DENND2A: variants seen among roughly 807,000 people sequenced by gnomAD.
DENND2A encodes the protein DENN domain-containing protein 2A.
DENND2A carries 53 observed loss-of-function variants against 105.3 expected under a neutral mutation model. That is an observed-to-expected ratio of 0.50 (90% CI 0.40 to 0.63). The LOEUF is 0.63. Ranked by LOEUF, DENND2A falls within the 30% of genes least tolerant of loss-of-function variation. The probability of loss-of-function intolerance (pLI) is 0.00; values close to 1 mark genes in which losing one functional copy is unlikely to be tolerated. For synonymous variants in DENND2A, 522 were observed against 508.4 expected, an observed-to-expected ratio of 1.03 and a Z score of -0.36; for missense variants, 1,138 against 1,279.6, an observed-to-expected ratio of 0.89 and a Z score of 1.69.
rs1322289751 is a variant in DENND2A, at chr7:140,523,333, T to C, written c.2639A>G (p.Asp880Gly). The change falls in exon 17 of 20, where the codon GAC (aspartate) becomes GGC (glycine). Residue 880 changes from aspartate to glycine, a missense_variant. Asp to Gly is a moderately conservative substitution (Grantham distance 94, BLOSUM62 -1). Transcript: ENST00000496613. This position sits in a 1 kb window ranked among gnomAD's most constrained non-coding sequence, Gnocchi z 4.5. ...EQRNELACEQ[D>G]EGPLDGRHGP... ...GTGCCTGCCGTCTAGGGGCCCTTCG[T>C]CCTGCTCACAAGCCAGCTCGTTCCT... 1 of 1,614,156 alleles carries C rather than the reference T, an allele frequency of 6.2e-7. No homozygotes were observed. Among genetic ancestry groups the C allele is most frequent in the East Asian group, 2.2e-5 (1 of 44,866 alleles).
chr7:140,567,117 A>T lies in DENND2A; in HGVS notation c.1748T>A (p.Val583Glu). The T allele has an allele frequency of 6.2e-7, 1 of 1,604,526 alleles. No individual in the cohort carries two copies. The highest frequency in any genetic ancestry group is 1.1e-5 in the South Asian group (1 of 89,082). ...AGGGAACTGTTGGGTGAGTTCTGGC[A>T]CGTAGGCAGCCCCGGCCTGCTTCTT... ...LHKKQAGAAY[V>E]PELTQQFPLK... is the part of the protein sequence containing the mutation. The change falls in exon 9 of 20, where the codon GTG becomes GAG. Residue 583 changes from valine to glutamate, a missense_variant. By Grantham distance (121) the Val-to-Glu change is moderately radical. Coordinates refer to ENST00000496613, the MANE Select transcript of DENND2A (RefSeq NM_015689.5).
At chr7:140,571,773 A>T (rs1182352303) in intron 6 of DENND2A, among the ~76,000 whole-genome samples, 1 of 152,220 alleles carries the variant, frequency 6.6e-6, no homozygotes, top group Non-Finnish European at 1.5e-5. Flanking sequence ...GCAAAGTGAA[A>T]TGTCATTCAC....
rs1210215572 is a variant in DENND2A, at chr7:140,569,750, CAGG to C, written c.1447-15_1447-13del. 1.9e-6 allele frequency: 3 copies of C among 1,598,258 alleles called. No individual in the cohort carries two copies. The highest frequency in any genetic ancestry group is 2.2e-5 in the East Asian group (1 of 44,788). Reference sequence around the variant, plus strand: ...ATTCGCAACACCAGCTGCCAGACACCAGGAGAAGAACAGCCAGTGTTAGCAGCC... The same window carrying C: ...ATTCGCAACACCAGCTGCCAGACACCAGAAGAACAGCCAGTGTTAGCAGCC... On this transcript the variant is annotated splice_polypyrimidine_tract_variant and intron_variant, in intron 6 of 19. Transcript: ENST00000496613.
chr7:140,532,656 G>C (rs147075025), intron 14 of DENND2A, among the ~76,000 whole-genome samples: 1 of 152,262 alleles, frequency 6.6e-6, no homozygotes, highest in African/African-American at 2.4e-5. Flanking sequence ...GGATGGGGCA[G>C]AGTAGGGAGA....
chr7:140,585,783 G>T, intron 4 of DENND2A, 73 bp from the exon 5 acceptor site: 1 of 1,601,360 alleles, frequency 6.2e-7, no homozygotes, highest in Non-Finnish European at 8.5e-7. Flanking sequence ...ACTGAGGTCA[G>T]TATCTTGGCC....
Position 140,527,410 on chromosome 7 carries a change from C to T in DENND2A, c.2413G>A (p.Ala805Thr), listed in dbSNP as rs200369917. The T allele has an allele frequency of 4.4e-4, 711 of 1,601,676 alleles. No individual in the cohort carries two copies. Among genetic ancestry groups the T allele is most frequent in the Non-Finnish European group, 5.6e-4 (657 of 1,175,768 alleles). The change falls in exon 15 of 20, where the codon GCC becomes ACC. Residue 805 changes from alanine to threonine, a missense_variant. Ala to Thr is a moderately conservative substitution (Grantham distance 58). Around this residue, in one of 2 missense-constraint regions of DENND2A, gnomAD observed 627 missense variants for 779.8 expected, o/e 0.80. Coordinates refer to ENST00000496613, the MANE Select transcript of DENND2A (RefSeq NM_015689.5). This position sits in a 1 kb window ranked among gnomAD's most constrained non-coding sequence, Gnocchi z 4.9. ...QHTYIPVLPP[A>T]MVDIVCSPTP... ...GGCGAGCACACGATGTCGACCATGGCGGGTGGCAGCACCGGGATGTAGGTG... is the reference window on the plus strand; with the variant it reads ...GGCGAGCACACGATGTCGACCATGGTGGGTGGCAGCACCGGGATGTAGGTG...
Position 140,601,267 on chromosome 7 carries a change from C to T in DENND2A, c.995+136G>A, listed in dbSNP as rs149758275. Reference sequence around the variant, plus strand: ...AGGTTAATTAACAAAGTATCTTAAGCTATGAACCATCTGGACTACAAGATC... The same window carrying T: ...AGGTTAATTAACAAAGTATCTTAAGTTATGAACCATCTGGACTACAAGATC... On this transcript the variant is annotated intron_variant, in intron 3 of 19. Coordinates refer to ENST00000496613, the MANE Select transcript of DENND2A (RefSeq NM_015689.5). The T allele has an allele frequency of 7.0e-5, 85 of 1,218,124 alleles. No homozygotes were observed. The African/African-American group carries it at 1.1e-3, about 16-fold the overall frequency. The allele number at this position is 1,218,124 out of a possible 1,614,324, so 75.5% of individuals were successfully genotyped here.
At chr7:140,629,650 C>A (rs1023607931) in intron 1 of DENND2A, among the ~76,000 whole-genome samples, 1 of 152,064 alleles carries the variant, frequency 6.6e-6, no homozygotes, top group Admixed American at 6.6e-5. Context: ...GTGGTACATT[C>A]AAGAGGCAGT....
chr7:140,521,596 T>C (rs1795862952), intron 18 of DENND2A, among the ~76,000 whole-genome samples: 1 of 152,126 alleles, frequency 6.6e-6, no homozygotes, highest in Non-Finnish European at 1.5e-5. Context: ...ATTTCATCAA[T>C]TTGGAAAGAA....
At chr7:140,582,633 T>C (rs1205378535) in intron 5 of DENND2A, among the ~76,000 whole-genome samples, 1 of 152,214 alleles carries the variant, frequency 6.6e-6, no homozygotes, top group East Asian at 1.9e-4. Context: ...GGTTGTTCCC[T>C]CACCTCTTCC....
chr7:140,556,881 A>C (rs1797385100), intron 11 of DENND2A, among the ~76,000 whole-genome samples: 1 of 152,160 alleles, frequency 6.6e-6, no homozygotes, highest in African/African-American at 2.4e-5. Context: ...GGGCCTGAAA[A>C]TGACAATTCT....
chr7:140,587,059 A>G (rs568973382), intron 4 of DENND2A, among the ~76,000 whole-genome samples: 1 of 152,342 alleles, frequency 6.6e-6, no homozygotes, highest in Admixed American at 6.5e-5. Context: ...AGGACGCTTT[A>G]GAGCCAAAGT....
intron 5 of DENND2A, among the ~76,000 whole-genome samples, chr7:140,576,630 G>A (rs1798310691): frequency 6.6e-6 from 1 of 152,174 alleles, no homozygotes; most frequent in South Asian, 2.1e-4. Flanking sequence ...AATAACTTCA[G>A]AATCTTTTCT....
intron 18 of DENND2A, among the ~76,000 whole-genome samples, chr7:140,520,870 G>GTT (rs377256335): frequency 7.2e-6 from 1 of 139,832 alleles, no homozygotes; most frequent in Non-Finnish European, 1.6e-5. Flanking sequence ...TTTCCAGGTA[G>GTT]TTTTTTTTTT....
intron 5 of DENND2A, among the ~76,000 whole-genome samples, chr7:140,584,985 G>A (rs912794298): frequency 5.3e-5 from 8 of 152,180 alleles, no homozygotes; most frequent in African/African-American, 1.9e-4. Context: ...GATCACTTGA[G>A]CCTAGGAGTT....
chr7:140,580,782 G>A lies in DENND2A; in HGVS notation c.1245+4807C>T, dbSNP rs181670804. ...CTCCCAAGTAGCTGGGACTACAGGCGAGTGCCACTACACCTGGCTAATTTT... is the reference window on the plus strand; with the variant it reads ...CTCCCAAGTAGCTGGGACTACAGGCAAGTGCCACTACACCTGGCTAATTTT... On this transcript the variant is annotated intron_variant, in intron 5 of 19. Transcript: ENST00000496613. Among the ~76,000 whole-genome samples, 39 of 151,824 alleles carry A rather than the reference G, an allele frequency of 2.6e-4. No individual in the cohort carries two copies. In the East Asian group the frequency reaches 5.5e-3, roughly 21 times the overall value.
At chr7:140,568,949 G>C in intron 7 of DENND2A, 136 bp from the exon 8 acceptor site, 1 of 792,638 alleles carries the variant, frequency 1.3e-6, no homozygotes, top group Non-Finnish European at 2.0e-6. Flanking sequence ...TTTTGAGATG[G>C]AGTCTTGCTC....
chr7:140,566,322 G>C (rs1043388587), intron 9 of DENND2A, among the ~76,000 whole-genome samples: 4 of 152,080 alleles, frequency 2.6e-5, no homozygotes, highest in African/African-American at 9.7e-5. Context: ...GTGAGTCACC[G>C]CGCCTGGCCT....
In DENND2A at chr7:140,544,649, T is replaced by G; in HGVS notation, c.2296A>C (p.Arg766=). ...VCVFASLLLE[R]RVIFIADKLS... is the part of the protein sequence containing the mutation. ...TTGTCTGCAATGAAGATGACCCTCCTCTCCAGAAGCAGGGAGGCAAACACA... is the reference window on the plus strand; with the variant it reads ...TTGTCTGCAATGAAGATGACCCTCCGCTCCAGAAGCAGGGAGGCAAACACA... The change falls in exon 14 of 20, where the codon AGG becomes CGG. Residue 766 remains arginine, a synonymous_variant. Coordinates refer to ENST00000496613, the MANE Select transcript of DENND2A (RefSeq NM_015689.5). The G allele has an allele frequency of 1.2e-6, 2 of 1,613,994 alleles. No individual in the cohort carries two copies. The highest frequency in any genetic ancestry group is 1.7e-6 in the Non-Finnish European group (2 of 1,180,000).
Sources: allele counts gnomAD v4.1 joint callset (sites outside exome capture counted in the v4.1 genomes callset), GRCh38; gene constraint gnomAD v4.1.1; regional missense constraint gnomAD v4.1.1; non-coding constraint Gnocchi (gnomAD v3.1); transcripts MANE v1.5; gene names NCBI Gene and HGNC (gene_info 2026-07-23, HGNC 2026-07-21).